WIPI2: variants seen among roughly 807,000 people sequenced by gnomAD.
WIPI2 encodes WD repeat domain, phosphoinositide interacting 2, also known as WD repeat domain phosphoinositide-interacting protein 2.
A neutral mutation model predicts 52.3 loss-of-function variants in WIPI2; 28 were observed. The ratio of observed to expected loss-of-function variants is 0.54; its 90% CI spans 0.40 to 0.73. The LOEUF (loss-of-function observed/expected upper bound fraction) is 0.73. Ranked by LOEUF, WIPI2 falls within the 30% of genes least tolerant of loss-of-function variation. The probability of loss-of-function intolerance (pLI) is 0.00; values close to 1 mark genes in which losing one functional copy is unlikely to be tolerated. For missense variants in WIPI2, 506 were observed against 602.9 expected, an observed-to-expected ratio of 0.84 and a Z score of 1.68; for synonymous variants, 268 against 245.0, an observed-to-expected ratio of 1.09 and a Z score of -0.88.
In WIPI2 at chr7:5,232,221, C is replaced by G; in HGVS notation, c.*1274C>G. On this transcript the variant is annotated 3_prime_UTR_variant, in exon 13 of 13. Coordinates refer to ENST00000288828, the MANE Select transcript of WIPI2 (RefSeq NM_015610.4). Reference sequence around the variant, plus strand: ...GAAAAGGCAAAAACTATTTACCCTGCCTTTGCAGGCTGGGGTTTTTGAACC... The same window carrying G: ...GAAAAGGCAAAAACTATTTACCCTGGCTTTGCAGGCTGGGGTTTTTGAACC... The G allele has an allele frequency of 5.0e-6, 2 of 398,692 alleles. No homozygotes were observed. The highest frequency in any genetic ancestry group is 7.1e-5 in the East Asian group (2 of 28,084). 24.7% of individuals were successfully genotyped at this position (398,692 alleles called of 1,614,324 possible). A position where few individuals can be genotyped will look rare whatever the true frequency, so the allele number is the denominator to read the frequency against.
chr7:5,194,105 G>C (rs1379812285), intron 2 of WIPI2, among the ~76,000 whole-genome samples: 1 of 152,168 alleles, frequency 6.6e-6, no homozygotes, highest in Non-Finnish European at 1.5e-5. Flanking sequence ...TTGGGTTCTG[G>C]GTGAATGTGA....
At chr7:5,226,647 C>T (rs1324861506) in intron 9 of WIPI2, 1 of 152,678 alleles carries the variant, frequency 6.5e-6, no homozygotes, top group Non-Finnish European at 1.5e-5. Context: ...AAAAGAACAT[C>T]CCACTCAGAC....
chr7:5,210,381 T>TGCTG (rs1782496501), intron 3 of WIPI2, among the ~76,000 whole-genome samples: 1 of 152,234 alleles, frequency 6.6e-6, no homozygotes, highest in Non-Finnish European at 1.5e-5. Context: ...TCCTCTGCAG[T>TGCTG]GCTGGGCACA....
At chr7:5,217,550 G>A in intron 6 of WIPI2, 1 of 393,346 alleles carries the variant, frequency 2.5e-6, no homozygotes, top group South Asian at 2.3e-5. Flanking sequence ...TCCCGCCTCG[G>A]CCCCCTAAAG....
intron 7 of WIPI2, among the ~76,000 whole-genome samples, chr7:5,221,470 A>G (rs1163257111): frequency 3.3e-5 from 5 of 152,248 alleles, no homozygotes; most frequent in Admixed American, 2.0e-4. Flanking sequence ...CCTGCCCTGC[A>G]AATTTGGAAT....
In WIPI2 at chr7:5,225,265, C is replaced by T. The variant is rs192252628; in HGVS notation, c.741-558C>T. ...AAGCAATTCTCCTGCCTCAGCCTCC[C>T]GAGTAGCTGGGACTACAGGCACCCG... On this transcript the variant is annotated intron_variant, in intron 8 of 12. Coordinates refer to ENST00000288828, the MANE Select transcript of WIPI2 (RefSeq NM_015610.4). Among the ~76,000 whole-genome samples the T allele has an allele frequency of 3.4e-3, 512 of 152,076 alleles. 6 individuals carry two copies. The highest frequency in any genetic ancestry group is 0.012 in the African/African-American group (484 of 41,476).
intron 1 of WIPI2, among the ~76,000 whole-genome samples, chr7:5,192,120 G>T (rs1397620026): frequency 6.6e-6 from 1 of 152,078 alleles, no homozygotes. Flanking sequence ...GCATAACAAC[G>T]TGTAAAGATG....
Position 5,213,937 on chromosome 7 carries a change from G to A in WIPI2, c.212-598G>A, listed in dbSNP as rs62441955. On this transcript the variant is annotated intron_variant, in intron 3 of 12. Transcript: ENST00000288828. ...CCCGACCTTGTGATCCACCCACCTC[G>A]GCCTCCCAAAGTGCTGGGATTACAG... Among the ~76,000 whole-genome samples the A allele has an allele frequency of 6.1e-3, 926 of 152,252 alleles. 6 individuals carry two copies. Among genetic ancestry groups the A allele is most frequent in the Non-Finnish European group, 8.5e-3 (580 of 68,026 alleles).
At chr7:5,200,610 G>A (rs1313507876) in intron 3 of WIPI2, among the ~76,000 whole-genome samples, 1 of 151,882 alleles carries the variant, frequency 6.6e-6, no homozygotes, top group Admixed American at 6.6e-5. Flanking sequence ...CTGGAGTGCA[G>A]TGGTGCCATC....
At position 5,214,716 on chromosome 7, in the gene WIPI2, C is replaced by T. The variant is rs1332739823; in HGVS notation, c.381+12C>T. 1 of 1,613,022 alleles carries T rather than the reference C, an allele frequency of 6.2e-7. No individual in the cohort carries two copies. Among genetic ancestry groups the T allele is most frequent in the Non-Finnish European group, 8.5e-7 (1 of 1,179,998 alleles). On this transcript the variant is annotated intron_variant, in intron 4 of 12. Coordinates refer to ENST00000288828, the MANE Select transcript of WIPI2 (RefSeq NM_015610.4). Reference sequence around the variant, plus strand: ...AGCTCAACAGGCAGGTGAGCGCTGCCCCAGCTGGGTGTGGGCTTGTCTGTT... The same window carrying T: ...AGCTCAACAGGCAGGTGAGCGCTGCTCCAGCTGGGTGTGGGCTTGTCTGTT...
intron 1 of WIPI2, among the ~76,000 whole-genome samples, chr7:5,192,377 G>C (rs981145563): frequency 6.6e-6 from 1 of 152,108 alleles, no homozygotes; most frequent in Admixed American, 6.6e-5. Flanking sequence ...AACATTGTCG[G>C]CCACTCTTTC....
intron 6 of WIPI2, chr7:5,217,697 T>G: frequency 1.8e-6 from 1 of 553,636 alleles, no homozygotes; most frequent in South Asian, 2.0e-5. Flanking sequence ...CGGGAATGTT[T>G]GAAGGAACAT....
intron 7 of WIPI2, 98 bp downstream of exon 7, chr7:5,218,112 T>G: frequency 7.7e-7 from 1 of 1,295,364 alleles, no homozygotes; most frequent in Non-Finnish European, 1.1e-6. Context: ...GGTCCTATAC[T>G]TACCAGCTCC....
chr7:5,208,890 G>A (rs960745888), intron 3 of WIPI2, among the ~76,000 whole-genome samples: 7 of 152,110 alleles, frequency 4.6e-5, no homozygotes, highest in African/African-American at 1.7e-4. Context: ...ATTATGATTA[G>A]GATGGGATTG....
chr7:5,217,213 G>A (rs1782859751), intron 6 of WIPI2, 26 bp downstream of exon 6: 10 of 1,612,284 alleles, frequency 6.2e-6, no homozygotes, highest in Non-Finnish European at 8.5e-6. Flanking sequence ...TGCTCGAATA[G>A]CTCTCTAAAG....
intron 3 of WIPI2, 100 bp from the exon 4 acceptor site, chr7:5,214,435 G>A: frequency 6.2e-7 from 1 of 1,612,356 alleles, no homozygotes; most frequent in Non-Finnish European, 8.5e-7. Context: ...GCTGTGCCCT[G>A]CGTGTCGCCC....
intron 3 of WIPI2, among the ~76,000 whole-genome samples, chr7:5,211,795 A>T (rs1562395262): frequency 6.6e-6 from 1 of 152,218 alleles, no homozygotes; most frequent in Non-Finnish European, 1.5e-5. Flanking sequence ...CAGGAAGTAG[A>T]TATCAGGCCT....
chr7:5,211,139 T>C (rs1782539695), intron 3 of WIPI2, among the ~76,000 whole-genome samples: 1 of 152,206 alleles, frequency 6.6e-6, no homozygotes, highest in Admixed American at 6.5e-5. Flanking sequence ...CGTTGCCCTG[T>C]GTGACCTCAG....
intron 4 of WIPI2, among the ~76,000 whole-genome samples, chr7:5,215,216 C>T (rs1220966846): frequency 6.6e-6 from 1 of 152,058 alleles, no homozygotes; most frequent in Non-Finnish European, 1.5e-5. Flanking sequence ...GAGGCTGAGG[C>T]AGGAAAATCG....
Sources: allele counts gnomAD v4.1 joint callset (sites outside exome capture counted in the v4.1 genomes callset), GRCh38; gene constraint gnomAD v4.1.1; transcripts MANE v1.5; gene names NCBI Gene and HGNC (gene_info 2026-07-23, HGNC 2026-07-21).